SLC13A3: variants seen among roughly 807,000 people sequenced by gnomAD.
SLC13A3 encodes solute carrier family 13 member 3.
A neutral mutation model predicts 59.0 loss-of-function variants in SLC13A3; 40 were observed. The ratio of observed to expected loss-of-function variants is 0.68; its 90% CI spans 0.53 to 0.88. The LOEUF (loss-of-function observed/expected upper bound fraction) is 0.88. Ranked by LOEUF, SLC13A3 falls within the 40% of genes least tolerant of loss-of-function variation. The probability of loss-of-function intolerance (pLI) is 0.00; values close to 1 mark genes in which losing one functional copy is unlikely to be tolerated. For synonymous variants in SLC13A3, 317 were observed against 330.3 expected, an observed-to-expected ratio of 0.96 and a Z score of 0.44; for missense variants, 699 against 783.2, an observed-to-expected ratio of 0.89 and a Z score of 1.28.
At chr20:46,666,192 A>G (rs368435305) in intron 1 of SLC13A3, among the ~76,000 whole-genome samples, 17 of 152,350 alleles carry the variant, frequency 1.1e-4, no homozygotes, top group South Asian at 1.0e-3. Context: ...TATGTCAGGC[A>G]TTTAAATAAC....
chr20:46,682,510 A>G (rs1295976798), intron 1 of SLC13A3: 1 of 151,478 alleles, frequency 6.6e-6, no homozygotes, highest in Non-Finnish European at 1.5e-5. Flanking sequence ...ATGTTCCAGG[A>G]ATGTGGGCCT....
At chr20:46,676,708 TC>T (rs1407965325) in intron 1 of SLC13A3, among the ~76,000 whole-genome samples, 1 of 151,390 alleles carries the variant, frequency 6.6e-6, no homozygotes, top group African/African-American at 2.4e-5. Context: ...CGCCTCAGCC[TC>T]CCCAGTCGCT....
At chr20:46,612,689 AT>A (rs1361242574) in intron 2 of SLC13A3, among the ~76,000 whole-genome samples, 1 of 152,160 alleles carries the variant, frequency 6.6e-6, no homozygotes, top group Non-Finnish European at 1.5e-5. Flanking sequence ...TAAAAACATT[AT>A]TCTGGGAAGA....
chr20:46,613,202 C>T (rs2062517499), intron 2 of SLC13A3, among the ~76,000 whole-genome samples: 2 of 151,660 alleles, frequency 1.3e-5, no homozygotes, highest in Admixed American at 6.6e-5. Flanking sequence ...GTCAGCAGCT[C>T]ATGTTCCCAG....
chr20:46,561,072 T>G (rs1405572204), intron 12 of SLC13A3, among the ~76,000 whole-genome samples: 1 of 152,212 alleles, frequency 6.6e-6, no homozygotes, highest in African/African-American at 2.4e-5. Flanking sequence ...TCCCATTCTA[T>G]TCAGTCATCC....
At chr20:46,664,235 T>G (rs1195067250) in intron 1 of SLC13A3, among the ~76,000 whole-genome samples, 1 of 152,166 alleles carries the variant, frequency 6.6e-6, no homozygotes, top group African/African-American at 2.4e-5. Context: ...AAAATCTAAT[T>G]CATCCTTTGC....
intron 10 of SLC13A3, among the ~76,000 whole-genome samples, chr20:46,572,532 C>T (rs1170449229): frequency 6.6e-6 from 1 of 152,080 alleles, no homozygotes; most frequent in Middle Eastern, 3.2e-3. Flanking sequence ...AGGGTCATCT[C>T]ATCCAGCCTC....
At chr20:46,682,590 G>T (rs184151577) in intron 1 of SLC13A3, among the ~76,000 whole-genome samples, 1 of 152,270 alleles carries the variant, frequency 6.6e-6, no homozygotes, top group East Asian at 1.9e-4. Context: ...TAACTGAGTG[G>T]CCTGGGGCAG....
At chr20:46,599,862 T>C in intron 4 of SLC13A3, 109 bp downstream of exon 4, 2 of 744,324 alleles carry the variant, frequency 2.7e-6, no homozygotes. Context: ...TTAGGTCATT[T>C]GGAGAAAAAT....
chr20:46,607,204 A>AT (rs1473587416), intron 3 of SLC13A3, among the ~76,000 whole-genome samples: 1 of 152,230 alleles, frequency 6.6e-6, no homozygotes, highest in African/African-American at 2.4e-5. Flanking sequence ...AGATGAGCTA[A>AT]TGAGTATAAA....
intron 10 of SLC13A3, 50 bp from the exon 11 acceptor site, chr20:46,566,440 G>GC: frequency 5.7e-6 from 9 of 1,576,050 alleles, no homozygotes; most frequent in African/African-American, 1.3e-5. Context: ...CCCAGCTGCC[G>GC]CCCCCCAGAG....
intron 1 of SLC13A3, among the ~76,000 whole-genome samples, chr20:46,623,150 G>T (rs960101677): frequency 4.6e-5 from 7 of 152,114 alleles, no homozygotes; most frequent in African/African-American, 1.7e-4. Context: ...CCTGACAAGG[G>T]CATTAAAAGA....
At chr20:46,627,262 G>A (rs987795787) in intron 1 of SLC13A3, among the ~76,000 whole-genome samples, 5 of 152,222 alleles carry the variant, frequency 3.3e-5, no homozygotes, top group African/African-American at 1.2e-4. Context: ...ATGGGCTGGT[G>A]TAAGAAAAGT....
At chr20:46,602,378 G>C (rs2062388321) in intron 3 of SLC13A3, among the ~76,000 whole-genome samples, 1 of 152,134 alleles carries the variant, frequency 6.6e-6, no homozygotes, top group Non-Finnish European at 1.5e-5. Flanking sequence ...TTCTCTGCTT[G>C]ATAGACCAGA....
At chr20:46,664,100 A>G (rs1051957039) in intron 1 of SLC13A3, among the ~76,000 whole-genome samples, 1 of 152,128 alleles carries the variant, frequency 6.6e-6, no homozygotes, top group Non-Finnish European at 1.5e-5. Context: ...AGGAGCATTA[A>G]AAGTGCTGAT....
At chr20:46,636,141 T>G (rs572993151) in intron 1 of SLC13A3, among the ~76,000 whole-genome samples, 1 of 152,172 alleles carries the variant, frequency 6.6e-6, no homozygotes, top group South Asian at 2.1e-4. Context: ...CATTCTTTTG[T>G]TTTTTCACTT....
intron 1 of SLC13A3, among the ~76,000 whole-genome samples, chr20:46,680,278 C>T (rs1016328002): frequency 7.2e-5 from 11 of 152,130 alleles, no homozygotes; most frequent in African/African-American, 2.7e-4. Flanking sequence ...ATAAGGGGAA[C>T]AAATGGAGCT....
chr20:46,611,714 T>G (rs973702076), intron 2 of SLC13A3, among the ~76,000 whole-genome samples: 4 of 152,212 alleles, frequency 2.6e-5, no homozygotes, highest in African/African-American at 9.6e-5. Flanking sequence ...ACACTCTAAA[T>G]GGCCTTCTAA....
intron 6 of SLC13A3, among the ~76,000 whole-genome samples, chr20:46,589,823 C>G (rs1165321685): frequency 1.3e-5 from 2 of 152,172 alleles, no homozygotes; most frequent in Admixed American, 6.5e-5. Flanking sequence ...TGGACCCCTA[C>G]CTCACACCAA....
Sources: gnomAD v4.1 joint callset for allele counts (sites outside exome capture counted in the v4.1 genomes callset) on GRCh38, gnomAD v4.1.1 for gene constraint, MANE v1.5 for transcripts, NCBI Gene and HGNC (gene_info 2026-07-23, HGNC 2026-07-21) for gene names.